The following HIP1 variants were observed in gnomAD, a reference collection of about 807,000 sequenced individuals.
HIP1 encodes the protein huntingtin-interacting protein 1.
Under a neutral mutation model 147.6 loss-of-function variants are expected in HIP1, and 65 were observed. The ratio of observed to expected loss-of-function variants is 0.44; its 90% CI spans 0.36 to 0.54. The LOEUF (loss-of-function observed/expected upper bound fraction) is 0.54. Among genes scored for constraint, HIP1 ranks in the 20% least tolerant of loss-of-function variants. HIP1 has a pLI of 0.00. For synonymous variants in HIP1, 479 were observed against 504.0 expected (o/e 0.95, Z 0.67); for missense variants, 1,061 against 1,299.6 (o/e 0.82, Z 2.82).
chr7:75,685,297 T>C (rs1350089949), intron 1 of HIP1, among the ~76,000 whole-genome samples: 1 of 151,992 alleles, frequency 6.6e-6, no homozygotes, highest in African/African-American at 2.4e-5. Context: ...TTGATTTCCA[T>C]AGTAGTGAAG....
rs117926580 is a variant in HIP1 at position 75,628,830 on chromosome 7, T to C, written c.121-29583A>G. 2.5e-3 allele frequency among the ~76,000 whole-genome samples: 376 copies of C among 152,024 alleles called. 13 individuals carry two copies. In the East Asian group the frequency reaches 0.068, roughly 28 times the overall value. On this transcript the variant is annotated intron_variant, in intron 1 of 30. Transcript: ENST00000336926. The stretch of plus-strand genomic sequence containing the variant: ...CAAAGGATCACTTTCTCTCTTACAT[T>C]ATCTACACCTGGCATGAGGTCTGGG...
At chr7:75,629,849 C>T (rs759772062) in intron 1 of HIP1, among the ~76,000 whole-genome samples, 1 of 152,158 alleles carries the variant, frequency 6.6e-6, no homozygotes, top group African/African-American at 2.4e-5. Flanking sequence ...GCCTGCTCCC[C>T]TTCTTAAAGC....
intron 1 of HIP1, among the ~76,000 whole-genome samples, chr7:75,702,322 C>G (rs926018723): frequency 2.0e-5 from 3 of 152,152 alleles, no homozygotes; most frequent in African/African-American, 7.2e-5. Flanking sequence ...GTTGGCCAGG[C>G]TGGTCTTGAA....
intron 9 of HIP1, among the ~76,000 whole-genome samples, chr7:75,564,310 TTGAGA>T (rs1795331569): frequency 7.4e-6 from 1 of 135,878 alleles, no homozygotes; most frequent in Admixed American, 7.2e-5. Flanking sequence ...TGTTTATTTT[TTGAGA>T]TGGAGTGTCG....
At chr7:75,602,303 CTTTTTTTTTTTTTTTT>C (rs67019261) in intron 1 of HIP1, among the ~76,000 whole-genome samples, 9 of 77,266 alleles carry the variant, frequency 1.2e-4, no homozygotes, top group African/African-American at 3.3e-4. Flanking sequence ...ACCTGGCCAG[CTTTTTTTTTTTTTTTT>C]TTTTTTTTTT....
At chr7:75,646,002 T>C (rs1798788935) in intron 1 of HIP1, among the ~76,000 whole-genome samples, 1 of 152,200 alleles carries the variant, frequency 6.6e-6, no homozygotes, top group Non-Finnish European at 1.5e-5. Flanking sequence ...ATCCGGATGA[T>C]GGATCATTAG....
In HIP1 at chr7:75,545,206, A is replaced by G. The variant is rs1554490782; in HGVS notation, c.2560-18T>C. 2 of 1,426,156 alleles carry G rather than the reference A, an allele frequency of 1.4e-6. No homozygotes were observed. Among genetic ancestry groups the G allele is most frequent in the South Asian group, 2.3e-5 (2 of 86,584 alleles). 88.3% of individuals were successfully genotyped at this position (1,426,156 alleles called of 1,614,324 possible). A position where few individuals can be genotyped will look rare whatever the true frequency, so the allele number is the denominator to read the frequency against. On this transcript the variant is annotated intron_variant, in intron 25 of 30. Transcript: ENST00000336926. Reference sequence around the variant, plus strand: ...GCTGTACCCTAGGGAAATAAAAAATAGTAATAGCCACCTTTTATTGAGCAT... The same window carrying G: ...GCTGTACCCTAGGGAAATAAAAAATGGTAATAGCCACCTTTTATTGAGCAT...
intron 1 of HIP1, among the ~76,000 whole-genome samples, chr7:75,679,491 A>G (rs139085969): frequency 5.2e-4 from 79 of 152,326 alleles, no homozygotes; most frequent in Admixed American, 1.7e-3. Flanking sequence ...GGCGTGAGCA[A>G]CTGTGCCCAG....
Position 75,664,073 on chromosome 7 carries a change from T to TAC in HIP1, c.121-64828_121-64827dup, listed in dbSNP as rs375754868. 1.2e-3 allele frequency among the ~76,000 whole-genome samples: 49 copies of TAC among 40,688 alleles called. 4 individuals are homozygous for TAC. Among genetic ancestry groups the TAC allele is most frequent in the Middle Eastern group, 0.022 (1 of 46 alleles). 26.7% of individuals were successfully genotyped at this position (40,688 alleles called of 152,430 possible). ...GTGTATATACACATATATGTGTATA[T>TAC]ACACACACATATACACACATATGTG... On this transcript the variant is annotated intron_variant, in intron 1 of 30. Transcript: ENST00000336926.
At position 75,568,282 on chromosome 7, in the gene HIP1, GA is replaced by G; in HGVS notation, c.746-27del. The G allele has an allele frequency of 1.3e-6, 2 of 1,550,034 alleles. No individual in the cohort carries two copies. The highest frequency in any genetic ancestry group is 1.8e-6 in the Non-Finnish European group (2 of 1,121,660). ...CTGGAAGAAATTGGAAAGAGTGTGAGAGGGGAGGGGGACCAGAGGGCAGGGA... is the reference window on the plus strand; with the variant it reads ...CTGGAAGAAATTGGAAAGAGTGTGAGGGGGAGGGGGACCAGAGGGCAGGGA... On this transcript the variant is annotated intron_variant, in intron 8 of 30. Transcript: ENST00000336926. The surrounding 1 kb of genome is among the most constrained non-coding windows in gnomAD (Gnocchi z 4.1).
intron 27 of HIP1, among the ~76,000 whole-genome samples, chr7:75,543,908 C>T (rs372304094): frequency 1.3e-5 from 2 of 152,290 alleles, no homozygotes; most frequent in African/African-American, 2.4e-5. Flanking sequence ...TGTGGTGGCT[C>T]ACGCCTGTAA....
chr7:75,655,580 CAAAAA>C (rs1243670098), intron 1 of HIP1, among the ~76,000 whole-genome samples: 1 of 121,718 alleles, frequency 8.2e-6, no homozygotes, highest in South Asian at 2.5e-4. Flanking sequence ...AGCTCTGTCT[CAAAAA>C]AAAAAGAAAA....
chr7:75,687,925 C>T (rs1800320484), intron 1 of HIP1, among the ~76,000 whole-genome samples: 2 of 152,096 alleles, frequency 1.3e-5, no homozygotes, highest in Admixed American at 1.3e-4. Flanking sequence ...GCTGAATTTT[C>T]TCTCTGGAGC....
intron 1 of HIP1, chr7:75,639,224 AGGCT>A (rs1798555489): frequency 1.0e-6 from 1 of 970,012 alleles, no homozygotes; most frequent in Non-Finnish European, 1.2e-6. Flanking sequence ...GGCGGCACCA[AGGCT>A]GGACCGGAGA....
At chr7:75,603,875 A>C (rs1423946183) in intron 1 of HIP1, among the ~76,000 whole-genome samples, 1 of 151,258 alleles carries the variant, frequency 6.6e-6, no homozygotes, top group Non-Finnish European at 1.5e-5. Flanking sequence ...ACCCTGTCTC[A>C]AAAAAAAGGA....
intron 18 of HIP1, 81 bp from the exon 19 acceptor site, chr7:75,555,632 G>T: frequency 6.7e-7 from 1 of 1,497,266 alleles, no homozygotes; most frequent in Non-Finnish European, 9.2e-7. Context: ...GGGGCTCTTA[G>T]CATCTTAGCT....
At chr7:75,598,403 GA>G (rs587640388) in intron 2 of HIP1, among the ~76,000 whole-genome samples, 25,444 of 124,462 alleles carry the variant, frequency 0.2, 2,423 homozygotes, top group Middle Eastern at 0.32. Flanking sequence ...TCTCAAAAAA[GA>G]AAAAAAAAAA....
chr7:75,706,778 C>T (rs1465382678), intron 1 of HIP1, among the ~76,000 whole-genome samples: 10 of 99,462 alleles, frequency 1.0e-4, no homozygotes, highest in Admixed American at 9.2e-4. Flanking sequence ...GCTATCCCTC[C>T]CCCCTCCCCC....
chr7:75,550,721 T>C (rs1402748923), intron 22 of HIP1, among the ~76,000 whole-genome samples: 3 of 152,140 alleles, frequency 2.0e-5, no homozygotes, highest in African/African-American at 4.8e-5. Flanking sequence ...GCCTGTCTTA[T>C]TATTATTATT....
Sources: allele counts gnomAD v4.1 joint callset (sites outside exome capture counted in the v4.1 genomes callset), GRCh38; gene constraint gnomAD v4.1.1; non-coding constraint Gnocchi (gnomAD v3.1); transcripts MANE v1.5; gene names NCBI Gene and HGNC (gene_info 2026-07-23, HGNC 2026-07-21).